ZNF438: variants seen among roughly 807,000 people sequenced by gnomAD.
ZNF438 encodes the protein zinc finger protein 438.
In ZNF438, 25 loss-of-function variants were observed where a neutral mutation model predicts 38.0. The observed-to-expected ratio is 0.66, with a 90% CI of 0.48 to 0.92. The LOEUF (loss-of-function observed/expected upper bound fraction) is 0.92. Ranked by LOEUF, ZNF438 falls within the 40% of genes least tolerant of loss-of-function variation. The pLI, the probability that ZNF438 is intolerant of heterozygous loss-of-function variation, is 0.00. For synonymous variants in ZNF438, 372 were observed against 364.1 expected (o/e 1.02, Z -0.25); for missense variants, 1,007 against 999.6 (o/e 1.01, Z -0.10).
intron 2 of ZNF438, among the ~76,000 whole-genome samples, chr10:30,927,998 CTT>C (rs755820868): frequency 5.3e-4 from 81 of 152,082 alleles, no homozygotes; most frequent in Non-Finnish European, 1.3e-4. Context: ...TTCTGGCACT[CTT>C]ATTTCTGATT....
chr10:30,978,058 T>A (rs879365927), intron 1 of ZNF438, among the ~76,000 whole-genome samples: 1 of 151,702 alleles, frequency 6.6e-6, no homozygotes, highest in Admixed American at 6.6e-5. Flanking sequence ...TTAAAAAACA[T>A]GAAATAAAAG....
chr10:30,867,974 A>G (rs975968404), intron 4 of ZNF438, among the ~76,000 whole-genome samples: 19 of 152,194 alleles, frequency 1.2e-4, no homozygotes, highest in African/African-American at 4.3e-4. Context: ...TTATATTCAA[A>G]TGACATTTAT....
intron 1 of ZNF438, among the ~76,000 whole-genome samples, chr10:31,007,461 T>C (rs944678957): frequency 3.9e-5 from 6 of 152,094 alleles, no homozygotes; most frequent in South Asian, 2.1e-4. Flanking sequence ...TTTGTATTTT[T>C]AGTTGAGACA....
chr10:30,977,344 A>C (rs942733831), intron 1 of ZNF438, among the ~76,000 whole-genome samples: 8 of 152,232 alleles, frequency 5.3e-5, no homozygotes, highest in Non-Finnish European at 7.3e-5. Flanking sequence ...TCAAGTGAGA[A>C]AGAAATTCTT....
chr10:30,874,956 T>A (rs1016045872), intron 4 of ZNF438, among the ~76,000 whole-genome samples: 2 of 152,052 alleles, frequency 1.3e-5, no homozygotes, highest in Non-Finnish European at 2.9e-5. Flanking sequence ...TAAAATAAGG[T>A]TTACGTCTAA....
At chr10:30,931,080 C>A (rs767498849) in intron 2 of ZNF438, among the ~76,000 whole-genome samples, 4 of 152,164 alleles carry the variant, frequency 2.6e-5, no homozygotes, top group Non-Finnish European at 5.9e-5. Flanking sequence ...ACCCCATTCC[C>A]AGGCCACAGT....
intron 4 of ZNF438, among the ~76,000 whole-genome samples, chr10:30,863,506 T>C (rs985660439): frequency 3.3e-5 from 5 of 152,244 alleles, no homozygotes; most frequent in African/African-American, 1.2e-4. Context: ...TGGATTCCTT[T>C]GCCTTTGAAT....
chr10:30,877,792 AT>A (rs1452254925), intron 3 of ZNF438, among the ~76,000 whole-genome samples: 2 of 152,194 alleles, frequency 1.3e-5, no homozygotes, highest in African/African-American at 4.8e-5. Flanking sequence ...ATAGAAGTAA[AT>A]TTTTTTATAA....
intron 2 of ZNF438, among the ~76,000 whole-genome samples, chr10:30,929,424 G>C (rs1178967107): frequency 2.0e-5 from 3 of 152,094 alleles, no homozygotes; most frequent in African/African-American, 7.2e-5. Context: ...GTCTGGAGTT[G>C]TTCATTCCTC....
chr10:30,966,547 G>A (rs1305177976), intron 1 of ZNF438, among the ~76,000 whole-genome samples: 1 of 151,664 alleles, frequency 6.6e-6, no homozygotes, highest in Non-Finnish European at 1.5e-5. Flanking sequence ...GCACGCACCT[G>A]TAGTCTCAGC....
Position 30,893,841 on chromosome 10 carries a change from C to T in ZNF438, c.-32+15092G>A, listed in dbSNP as rs149798718. ...TGCTGTCATTATCATACCTTCAGAA[C>T]GCATTCAAAACTAAAAAAGTCTTAT... is the stretch of plus-strand genomic sequence containing the variant. On this transcript the variant is annotated intron_variant, in intron 3 of 5. Transcript: ENST00000413025. 2.8e-3 allele frequency among the ~76,000 whole-genome samples: 427 copies of T among 152,230 alleles called. 3 individuals are homozygous for T. Among genetic ancestry groups the T allele is most frequent in the African/African-American group, 9.1e-3 (380 of 41,534 alleles).
chr10:30,903,217 G>A (rs957418369), intron 3 of ZNF438, among the ~76,000 whole-genome samples: 8 of 152,186 alleles, frequency 5.3e-5, no homozygotes, highest in Non-Finnish European at 8.8e-5. Context: ...AGCCGGCTCC[G>A]GACTCAGCCA....
chr10:30,930,717 G>A lies in ZNF438; in HGVS notation c.-115+10858C>T, dbSNP rs141971327. Among the ~76,000 whole-genome samples the A allele has an allele frequency of 2.0e-4, 29 of 144,040 alleles. No individual in the cohort carries two copies. In the East Asian group the frequency reaches 4.4e-3, roughly 22 times the overall value. The allele number at this position is 144,040 out of a possible 152,430, so 94.5% of individuals were successfully genotyped here. The stretch of plus-strand genomic sequence containing the variant: ...AGTTACTCAGGAGGCTGAGGCAGGC[G>A]AAAAGCTTGAATCCAGGAGGCAGAG... On this transcript the variant is annotated intron_variant, in intron 2 of 5. Coordinates refer to ENST00000413025, the Ensembl canonical transcript of ZNF438.
intron 1 of ZNF438, among the ~76,000 whole-genome samples, chr10:30,947,261 G>A (rs2047524547): frequency 6.6e-6 from 1 of 152,228 alleles, no homozygotes; most frequent in Non-Finnish European, 1.5e-5. Flanking sequence ...ACCATCAGCT[G>A]AACCTGCCCT....
chr10:30,947,760 A>G (rs577893397), intron 1 of ZNF438, among the ~76,000 whole-genome samples: 49 of 152,322 alleles, frequency 3.2e-4, no homozygotes, highest in African/African-American at 1.0e-3. Context: ...GGAAAAGCGC[A>G]GTATTCGGGA....
At chr10:31,021,186 C>G (rs1030781901) in intron 1 of ZNF438, among the ~76,000 whole-genome samples, 1 of 151,366 alleles carries the variant, frequency 6.6e-6, no homozygotes, top group African/African-American at 2.4e-5. Context: ...TAAATACAGA[C>G]AGCACTTAGG....
Position 30,964,709 on chromosome 10 carries a change from T to A in ZNF438, c.-191-23058A>T, listed in dbSNP as rs886519577. Among the ~76,000 whole-genome samples, 3 of 152,222 alleles carry A rather than the reference T, an allele frequency of 2.0e-5. No individual in the cohort carries two copies. In the South Asian group the frequency reaches 6.2e-4, roughly 32 times the overall value. ...GCCAAGTATAGATCACCTAAGGACT[T>A]GGGCACAGAATGTTGTGAGGAAATT... On this transcript the variant is annotated intron_variant, in intron 1 of 5. Transcript: ENST00000413025.
chr10:30,973,790 A>G (rs1350816408), intron 1 of ZNF438, among the ~76,000 whole-genome samples: 1 of 152,186 alleles, frequency 6.6e-6, no homozygotes, highest in East Asian at 1.9e-4. Context: ...CTTTCTTCAA[A>G]AAGAGTCACC....
intron 1 of ZNF438, among the ~76,000 whole-genome samples, chr10:30,967,268 T>C (rs1029567070): frequency 2.6e-5 from 4 of 152,200 alleles, no homozygotes; most frequent in Non-Finnish European, 5.9e-5. Context: ...AGAGCCAGTA[T>C]ATACTTTTAA....
Sources: allele counts gnomAD v4.1 joint callset (sites outside exome capture counted in the v4.1 genomes callset), GRCh38; gene constraint gnomAD v4.1.1; transcripts MANE v1.5; gene names NCBI Gene and HGNC (gene_info 2026-07-23, HGNC 2026-07-21).